Variants in FRMD3 observed in about 807,000 individuals in gnomAD.
The protein encoded by FRMD3 is FERM domain-containing protein 3.
A neutral mutation model predicts 70.2 loss-of-function variants in FRMD3; 33 were observed. The ratio of observed to expected loss-of-function variants is 0.47; its 90% CI spans 0.36 to 0.63. The LOEUF is 0.63. Among genes scored for constraint, FRMD3 ranks in the 20% least tolerant of loss-of-function variants. The pLI is 0.00. For missense variants in FRMD3, 632 were observed against 711.4 expected, an observed-to-expected ratio of 0.89 and a Z score of 1.27; for synonymous variants, 279 against 255.9, an observed-to-expected ratio of 1.09 and a Z score of -0.86.
chr9:83,412,388 G>A (rs1350256514), intron 1 of FRMD3, among the ~76,000 whole-genome samples: 1 of 148,126 alleles, frequency 6.8e-6, no homozygotes, highest in Admixed American at 6.8e-5. Context: ...TTTCTACTAG[G>A]TATATGCCTA....
intron 1 of FRMD3, among the ~76,000 whole-genome samples, chr9:83,459,270 G>T (rs1392791717): frequency 6.6e-6 from 1 of 150,952 alleles, no homozygotes; most frequent in Non-Finnish European, 1.5e-5. Context: ...TGGCCTTAAC[G>T]TCCCACCAAG....
intron 1 of FRMD3, among the ~76,000 whole-genome samples, chr9:83,436,736 T>C (rs1443811339): frequency 4.8e-5 from 7 of 145,632 alleles, no homozygotes; most frequent in Non-Finnish European, 1.0e-4. Context: ...TTTAAAGATA[T>C]ACATTTTTAC....
At position 83,247,929 on chromosome 9, in the gene FRMD3, C is replaced by A; in HGVS notation, c.1783G>T (p.Gly595Cys). 1 of 1,613,882 alleles carries A rather than the reference C, an allele frequency of 6.2e-7. No individual in the cohort carries two copies. The highest frequency in any genetic ancestry group is 8.5e-7 in the Non-Finnish European group (1 of 1,179,842). ...GKVHLILYML[G>C]CS Reference sequence around the variant, plus strand: ...GTGAGAGATTAACTTCATGAGCAACCCAGCATGTAGAGGATGAGGTGGACT... The same window carrying A: ...GTGAGAGATTAACTTCATGAGCAACACAGCATGTAGAGGATGAGGTGGACT... Residue 595 changes from glycine (G) to cysteine (C), a missense_variant, in exon 14 of 14, where the codon GGT (glycine) becomes TGT (cysteine). Physicochemically the swap from Gly to Cys is radical, Grantham distance 159. Coordinates refer to ENST00000304195, the MANE Select transcript of FRMD3 (RefSeq NM_174938.6).
intron 10 of FRMD3, among the ~76,000 whole-genome samples, chr9:83,306,796 A>G (rs1294794548): frequency 6.6e-6 from 1 of 152,246 alleles, no homozygotes; most frequent in Non-Finnish European, 1.5e-5. Flanking sequence ...GGAAAAATCT[A>G]CAATCCAATA....
At chr9:83,432,731 C>G (rs1827018507) in intron 1 of FRMD3, among the ~76,000 whole-genome samples, 1 of 151,872 alleles carries the variant, frequency 6.6e-6, no homozygotes, top group Non-Finnish European at 1.5e-5. Context: ...TCCTTTTTTT[C>G]TTAAATAGAT....
intron 1 of FRMD3, among the ~76,000 whole-genome samples, chr9:83,402,917 T>G (rs2131321894): frequency 6.9e-6 from 1 of 144,996 alleles, no homozygotes; most frequent in South Asian, 2.2e-4. Context: ...TTTTTTTTTT[T>G]TTTTGAGATG....
At chr9:83,306,132 T>G (rs535457128) in intron 10 of FRMD3, among the ~76,000 whole-genome samples, 2 of 152,160 alleles carry the variant, frequency 1.3e-5, no homozygotes, top group Non-Finnish European at 2.9e-5. Flanking sequence ...GTGCGTGAAA[T>G]AGCAAATGAA....
rs540226838 is a variant in FRMD3, at chr9:83,462,405, C to T, written c.148-72697G>A. Among the ~76,000 whole-genome samples, 3 of 152,272 alleles carry T rather than the reference C, an allele frequency of 2.0e-5. No homozygotes were observed. In the South Asian group the frequency reaches 6.2e-4, roughly 32 times the overall value. ...ATCCTCTAGTCCTCAATGATTACAGCTAAGATGCCCATTTTCCCAGCTGGC... is the reference window on the plus strand; with the variant it reads ...ATCCTCTAGTCCTCAATGATTACAGTTAAGATGCCCATTTTCCCAGCTGGC... On this transcript the variant is annotated intron_variant, in intron 1 of 13. Transcript: ENST00000304195.
the FRMD3 span, among the ~76,000 whole-genome samples, chr9:83,566,013 T>A: frequency 3.9e-5 from 6 of 152,204 alleles, no homozygotes; most frequent in Non-Finnish European, 5.9e-5. Flanking sequence ...CATATGTTAA[T>A]CTTGGGGAAT....
chr9:83,342,562 T>C (rs1488295698), intron 5 of FRMD3, among the ~76,000 whole-genome samples: 1 of 152,150 alleles, frequency 6.6e-6, no homozygotes, highest in Non-Finnish European at 1.5e-5. Flanking sequence ...TGTGACAGTT[T>C]ATGAGACTTG....
chr9:83,297,905 C>T, intron 12 of FRMD3: 1 of 462,824 alleles, frequency 2.2e-6, no homozygotes, highest in Non-Finnish European at 4.4e-6. Flanking sequence ...GGCTTAGCCA[C>T]ACTTCTGTGG....
At chr9:83,354,145 C>T (rs938447082) in intron 3 of FRMD3, among the ~76,000 whole-genome samples, 15 of 152,220 alleles carry the variant, frequency 9.9e-5, no homozygotes, top group Non-Finnish European at 1.5e-4. Flanking sequence ...AGGCTGGTCT[C>T]GAACTCCTGA....
chr9:83,389,346 G>A lies in FRMD3; in HGVS notation c.252+258C>T, dbSNP rs1349994133. On this transcript the variant is annotated intron_variant, in intron 2 of 13. Transcript: ENST00000304195. ...TTTGAGGGACTTTGGGAAACCCTGG[G>A]TTCAAAGGGCACAGGGACATTCTCT... 2.0e-5 allele frequency among the ~76,000 whole-genome samples: 3 copies of A among 152,226 alleles called. No individual in the cohort carries two copies. In the East Asian group the frequency reaches 5.8e-4, roughly 29 times the overall value.
In FRMD3 at chr9:83,504,023, C is replaced by T. The variant is rs139793128; in HGVS notation, c.147+34062G>A. Among the ~76,000 whole-genome samples, 135 of 152,256 alleles carry T rather than the reference C, an allele frequency of 8.9e-4. No individual in the cohort carries two copies. The Middle Eastern group carries it at 0.014, about 15-fold the overall frequency. On this transcript the variant is annotated intron_variant, in intron 1 of 13. Coordinates refer to ENST00000304195, the MANE Select transcript of FRMD3 (RefSeq NM_174938.6). ...GGTGGTAACGGAAGAGAATACACTC[C>T]GCATCCTGCTGCAGTTTGGGGTGTG...
chr9:83,274,181 T>C (rs1302194158), intron 13 of FRMD3, among the ~76,000 whole-genome samples: 2 of 152,192 alleles, frequency 1.3e-5, no homozygotes, highest in Non-Finnish European at 2.9e-5. Context: ...ACAGCACTTA[T>C]TATGAGTTCT....
At chr9:83,342,378 G>A (rs1275870105) in intron 5 of FRMD3, among the ~76,000 whole-genome samples, 4 of 152,192 alleles carry the variant, frequency 2.6e-5, no homozygotes, top group South Asian at 4.1e-4. Context: ...CTTCTAATGG[G>A]CCTGCGCTAC....
At chr9:83,394,204 C>G (rs1825750664) in intron 1 of FRMD3, among the ~76,000 whole-genome samples, 1 of 152,092 alleles carries the variant, frequency 6.6e-6, no homozygotes, top group Admixed American at 6.5e-5. Flanking sequence ...CTGCAATAAT[C>G]TCATCTTCCC....
intron 1 of FRMD3, among the ~76,000 whole-genome samples, chr9:83,391,014 T>C (rs1825651563): frequency 6.6e-6 from 1 of 152,156 alleles, no homozygotes; most frequent in Admixed American, 6.6e-5. Context: ...AATGCAGTGA[T>C]TAGACAATGC....
intron 13 of FRMD3, among the ~76,000 whole-genome samples, chr9:83,281,793 G>A (rs1053547544): frequency 4.6e-5 from 7 of 152,184 alleles, no homozygotes; most frequent in East Asian, 1.9e-4. Context: ...CAACACACTC[G>A]GTCCCCAGCC....
Sources: gnomAD v4.1 joint callset for allele counts (sites outside exome capture counted in the v4.1 genomes callset) on GRCh38, gnomAD v4.1.1 for gene constraint, MANE v1.5 for transcripts, NCBI Gene and HGNC (gene_info 2026-07-23, HGNC 2026-07-21) for gene names.